Variants in KCNH8 observed in about 807,000 individuals in gnomAD.
KCNH8 encodes the protein voltage-gated delayed rectifier potassium channel KCNH8.
Under a neutral mutation model 103.6 loss-of-function variants are expected in KCNH8, and 70 were observed. The ratio of observed to expected loss-of-function variants is 0.68; its 90% CI spans 0.56 to 0.82. The LOEUF is 0.82. KCNH8 is among the 40% of genes least tolerant of loss of function. The pLI, the probability that KCNH8 is intolerant of heterozygous loss-of-function variation, is 0.00. For synonymous variants in KCNH8, 498 were observed against 489.4 expected (o/e 1.02, Z -0.23); for missense variants, 1,217 against 1,329.9 (o/e 0.92, Z 1.32).
chr3:19,293,100 T>C (rs2064951192), intron 3 of KCNH8, among the ~76,000 whole-genome samples: 1 of 152,232 alleles, frequency 6.6e-6, no homozygotes, highest in Admixed American at 6.5e-5. Flanking sequence ...GATTATTTTC[T>C]ATATGCCAGA....
At chr3:19,292,473 T>C (rs961005925) in intron 3 of KCNH8, among the ~76,000 whole-genome samples, 6 of 152,198 alleles carry the variant, frequency 3.9e-5, no homozygotes, top group African/African-American at 7.2e-5. Context: ...TATTACTAAG[T>C]GACTTCAGAA....
intron 3 of KCNH8, among the ~76,000 whole-genome samples, chr3:19,332,794 A>G (rs990202284): frequency 6.6e-6 from 1 of 151,854 alleles, no homozygotes; most frequent in Non-Finnish European, 1.5e-5. Context: ...CACCACACCC[A>G]GCTAATTTTT....
At chr3:19,458,196 A>G (rs531568670) in intron 11 of KCNH8, among the ~76,000 whole-genome samples, 1 of 152,060 alleles carries the variant, frequency 6.6e-6, no homozygotes, top group East Asian at 1.9e-4. Flanking sequence ...TTTAAAACAT[A>G]TATTGTTTCT....
chr3:19,532,213 T>TTAAG (rs2069174304), intron 15 of KCNH8, among the ~76,000 whole-genome samples: 2 of 152,194 alleles, frequency 1.3e-5, no homozygotes, highest in Admixed American at 1.3e-4. Context: ...TCAATGGTTC[T>TTAAG]TAAGTGTTTG....
chr3:19,343,828 G>T (rs949352983), intron 4 of KCNH8, among the ~76,000 whole-genome samples: 1 of 151,974 alleles, frequency 6.6e-6, no homozygotes, highest in African/African-American at 2.4e-5. Flanking sequence ...TGAGCCCAGG[G>T]TGAGGAACGA....
At position 19,534,332 on chromosome 3, in the gene KCNH8, T is replaced by C; in HGVS notation, c.*233T>C. ...GTACAGGTATTAAACTACTGGTCTGTTTGACAGACTTTGGTAACAATCCAA... is the reference window on the plus strand; with the variant it reads ...GTACAGGTATTAAACTACTGGTCTGCTTGACAGACTTTGGTAACAATCCAA... On this transcript the variant is annotated 3_prime_UTR_variant, in exon 16 of 16. Coordinates refer to ENST00000328405, the MANE Select transcript of KCNH8 (RefSeq NM_144633.3). The C allele has an allele frequency of 1.9e-6, 1 of 520,386 alleles. No individual in the cohort carries two copies. The highest frequency in any genetic ancestry group is 3.0e-5 in the South Asian group (1 of 33,412). The allele number at this position is 520,386 out of a possible 1,614,324, so 32.2% of individuals were successfully genotyped here. A position where few individuals can be genotyped will look rare whatever the true frequency, so the allele number is the denominator to read the frequency against.
intron 3 of KCNH8, among the ~76,000 whole-genome samples, chr3:19,297,493 T>C (rs559399672): frequency 6.6e-6 from 1 of 152,246 alleles, no homozygotes; most frequent in South Asian, 2.1e-4. Flanking sequence ...CCTGAATAGA[T>C]AGTTCAGCTT....
At position 19,456,797 on chromosome 3, in the gene KCNH8, T is replaced by C; in HGVS notation, c.1855T>C (p.Ser619Pro). Residue 619 changes from serine (S) to proline (P), a missense_variant, in exon 11 of 16, where the codon TCA becomes CCA. Physicochemically the swap from Ser to Pro is moderately conservative, Grantham distance 74. This residue lies in a region of KCNH8 where 415 missense variants were observed against 577.4 expected (regional missense o/e 0.72). Coordinates refer to ENST00000328405, the MANE Select transcript of KCNH8 (RefSeq NM_144633.3). ...AGGGGATTTAATTGGAGCAAATCTATCAATTAAGGACCAAGTGATCAAGAC... is the reference window on the plus strand; with the variant it reads ...AGGGGATTTAATTGGAGCAAATCTACCAATTAAGGACCAAGTGATCAAGAC... ...GKGDLIGANL[S>P]IKDQVIKTNA... is the part of the protein sequence containing the mutation. 1.2e-6 allele frequency: 2 copies of C among 1,610,314 alleles called. No homozygotes were observed. The highest frequency in any genetic ancestry group is 1.1e-5 in the South Asian group (1 of 90,998).
chr3:19,345,302 C>T (rs2065715471), intron 4 of KCNH8, among the ~76,000 whole-genome samples: 1 of 152,068 alleles, frequency 6.6e-6, no homozygotes, highest in African/African-American at 2.4e-5. Flanking sequence ...AAGGCATACA[C>T]TGGGTTTAGA....
At chr3:19,431,924 T>G (rs1237576937) in intron 7 of KCNH8, among the ~76,000 whole-genome samples, 1 of 152,118 alleles carries the variant, frequency 6.6e-6, no homozygotes, top group Admixed American at 6.6e-5. Context: ...GTGGTCTATT[T>G]TATTAATTTT....
At chr3:19,319,389 C>A (rs1488707187) in intron 3 of KCNH8, among the ~76,000 whole-genome samples, 3 of 152,038 alleles carry the variant, frequency 2.0e-5, no homozygotes, top group Non-Finnish European at 1.5e-5. Context: ...ACGTGGCTTG[C>A]CAATTATCCC....
chr3:19,318,574 T>C (rs2065305594), intron 3 of KCNH8, among the ~76,000 whole-genome samples: 2 of 151,296 alleles, frequency 1.3e-5, no homozygotes. Context: ...GGTCTCCAAT[T>C]CCATCCAGGT....
At chr3:19,377,550 A>T (rs950561393) in intron 5 of KCNH8, among the ~76,000 whole-genome samples, 8 of 152,190 alleles carry the variant, frequency 5.3e-5, no homozygotes, top group Admixed American at 5.2e-4. Context: ...TTATTAGCTA[A>T]ATCTGGCAAG....
At chr3:19,300,930 G>A (rs1167265127) in intron 3 of KCNH8, among the ~76,000 whole-genome samples, 2 of 150,402 alleles carry the variant, frequency 1.3e-5, no homozygotes, top group Admixed American at 6.6e-5. Flanking sequence ...AGCCTTTCTA[G>A]TATATTTTTT....
chr3:19,215,289 A>T (rs1339403821), intron 1 of KCNH8, among the ~76,000 whole-genome samples: 1 of 152,188 alleles, frequency 6.6e-6, no homozygotes, highest in African/African-American at 2.4e-5. Context: ...ATAATCTATG[A>T]GTGGGGGCCA....
intron 11 of KCNH8, among the ~76,000 whole-genome samples, chr3:19,463,780 G>C (rs961792241): frequency 1.3e-5 from 2 of 152,074 alleles, no homozygotes; most frequent in Non-Finnish European, 2.9e-5. Context: ...AACGGGGATT[G>C]TATGGGGATG....
intron 15 of KCNH8, among the ~76,000 whole-genome samples, chr3:19,520,619 A>G (rs2068955890): frequency 6.6e-6 from 1 of 152,042 alleles, no homozygotes; most frequent in African/African-American, 2.4e-5. Flanking sequence ...TACTAGTAAC[A>G]TGTGTCATCA....
chr3:19,180,976 G>A (rs569433843), intron 1 of KCNH8, among the ~76,000 whole-genome samples: 1 of 151,974 alleles, frequency 6.6e-6, no homozygotes, highest in Non-Finnish European at 1.5e-5. Flanking sequence ...AATATAACAT[G>A]GTAATATAAA....
chr3:19,424,983 T>TAC lies in KCNH8; in HGVS notation c.1178-13167_1178-13166dup, dbSNP rs552536520. On this transcript the variant is annotated intron_variant, in intron 7 of 15. Coordinates refer to ENST00000328405, the MANE Select transcript of KCNH8 (RefSeq NM_144633.3). The stretch of plus-strand genomic sequence containing the variant: ...CCCACGTCATTTGTGGTTTCCCTGT[T>TAC]ACACACACACACACAGAGGAAGAGA... Among the ~76,000 whole-genome samples the TAC allele has an allele frequency of 4.3e-3, 654 of 151,554 alleles. 5 individuals are homozygous for TAC. The highest frequency in any genetic ancestry group is 0.017 in the Middle Eastern group (5 of 290).
Sources: gnomAD v4.1 joint callset for allele counts (sites outside exome capture counted in the v4.1 genomes callset) on GRCh38, gnomAD v4.1.1 for gene constraint, gnomAD v4.1.1 regional missense constraint, MANE v1.5 for transcripts, NCBI Gene and HGNC (gene_info 2026-07-23, HGNC 2026-07-21) for gene names.